POM121C: variants seen among roughly 807,000 people sequenced by gnomAD.
POM121C encodes POM121 transmembrane nucleoporin C.
In POM121C, 20 loss-of-function variants were observed where a neutral mutation model predicts 66.4. That is an observed-to-expected ratio of 0.30 (90% CI 0.21 to 0.44). The LOEUF is 0.44. POM121C is among the 20% of genes least tolerant of loss of function. POM121C has a pLI of 1.00. For missense variants in POM121C, 580 were observed against 1,225.7 expected (o/e 0.47, Z 7.87); for synonymous variants, 286 against 528.0 (o/e 0.54, Z 6.28).
chr7:75,450,613 CTCT>C (rs1484800031), intron 3 of POM121C, among the ~76,000 whole-genome samples: 4 of 152,242 alleles, frequency 2.6e-5, no homozygotes, highest in African/African-American at 9.6e-5. Context: ...TCAAGGAAAT[CTCT>C]TATCAAAATG....
In POM121C at chr7:75,441,601, G is replaced by A. The variant is rs1225460412; in HGVS notation, c.-105C>T. The stretch of plus-strand genomic sequence containing the variant: ...TACTGGGTCTGATGGATCGGATAGC[G>A]TCTTCGAGGTGTTATTACAAACCGA... On this transcript the variant is annotated 5_prime_UTR_variant, in exon 4 of 15. It adds an upstream start codon to the 5' untranslated region. Coordinates refer to ENST00000615331, the MANE Select transcript of POM121C (RefSeq NM_001099415.3). 12 of 1,587,650 alleles carry A rather than the reference G, an allele frequency of 7.6e-6. No individual in the cohort carries two copies. In the East Asian group the frequency reaches 1.8e-4, roughly 24 times the overall value.
At chr7:75,468,380 C>T (rs1262151093) in intron 3 of POM121C, among the ~76,000 whole-genome samples, 2 of 133,972 alleles carry the variant, frequency 1.5e-5, no homozygotes, top group Admixed American at 1.7e-4. Context: ...TGCAGTGGTG[C>T]AATCTCGGCT....
intron 3 of POM121C, among the ~76,000 whole-genome samples, chr7:75,466,619 A>T (rs1419798260): frequency 3.5e-5 from 5 of 141,878 alleles, no homozygotes; most frequent in East Asian, 2.0e-4. Flanking sequence ...AATAAAAATT[A>T]AAAAAAAAAA....
intron 1 of POM121C, among the ~76,000 whole-genome samples, chr7:75,484,716 C>T (rs1792449701): frequency 6.7e-6 from 1 of 149,688 alleles, no homozygotes; most frequent in African/African-American, 2.4e-5. Flanking sequence ...GCCTGTAACT[C>T]TAAGATAATC....
chr7:75,436,533 A>G (rs1166526602), intron 7 of POM121C, among the ~76,000 whole-genome samples: 1 of 152,228 alleles, frequency 6.6e-6, no homozygotes, highest in East Asian at 1.9e-4. Context: ...ATGTTCATTT[A>G]TATGACTCAG....
rs2116332017 is a variant in POM121C, at chr7:75,423,173, A to G, written c.1079T>C (p.Leu360Pro). Residue 360 changes from leucine to proline, a missense_variant, in exon 13 of 15, where the codon CTC (leucine) becomes CCC (proline). Coordinates refer to ENST00000615331, the MANE Select transcript of POM121C (RefSeq NM_001099415.3). ...GAGGCTGGGTGTCTTTGGAGGTGAG[A>G]GGGCCTCAGTGGTTGCTGCTCCAGC... is the stretch of plus-strand genomic sequence containing the variant. ...ESAGAATTEALSPPKTPSLLP... is the reference protein window; with the variant it reads ...ESAGAATTEAPSPPKTPSLLP... 6.6e-7 allele frequency: 1 copy of G among 1,504,618 alleles called. No individual in the cohort carries two copies. The highest frequency in any genetic ancestry group is 2.3e-5 in the East Asian group (1 of 43,764). 93.2% of individuals were successfully genotyped at this position (1,504,618 alleles called of 1,614,324 possible).
chr7:75,455,394 A>G (rs1263314472), intron 3 of POM121C, among the ~76,000 whole-genome samples: 1 of 151,718 alleles, frequency 6.6e-6, no homozygotes, highest in Non-Finnish European at 1.5e-5. Flanking sequence ...TCCCAGGTTC[A>G]AGCGATTCCC....
At chr7:75,436,013 T>G (rs1207734726) in intron 7 of POM121C, among the ~76,000 whole-genome samples, 2 of 150,340 alleles carry the variant, frequency 1.3e-5, no homozygotes, top group Non-Finnish European at 2.9e-5. Context: ...GTCGCACCAC[T>G]GCGCTCCAGC....
At chr7:75,423,648 T>C (rs1789814997) in intron 12 of POM121C, among the ~76,000 whole-genome samples, 1 of 151,996 alleles carries the variant, frequency 6.6e-6, no homozygotes, top group Admixed American at 6.6e-5. Context: ...CGTGAAGGCC[T>C]GGGCCGGGAA....
rs1160759539 is a variant in POM121C at position 75,421,135 on chromosome 7, G to A, written c.2743+374C>T. 63 of 349,092 alleles carry A rather than the reference G, an allele frequency of 1.8e-4. 2 individuals carry two copies. The highest frequency in any genetic ancestry group is 1.3e-3 in the African/African-American group (59 of 46,406). The allele number at this position is 349,092 out of a possible 1,614,324, so 21.6% of individuals were successfully genotyped here. A position where few individuals can be genotyped will look rare whatever the true frequency, so the allele number is the denominator to read the frequency against. On this transcript the variant is annotated intron_variant, in intron 13 of 14. Transcript: ENST00000615331. ...ATTACAGGTGGGTACCACCATGCCC[G>A]GCTAATTTTTTGGTATTTTTAGTAG...
chr7:75,458,877 A>G (rs78625170), intron 3 of POM121C, among the ~76,000 whole-genome samples: 1 of 152,174 alleles, frequency 6.6e-6, no homozygotes, highest in East Asian at 1.9e-4. Flanking sequence ...TGACAAAGAT[A>G]TTGGAATTAT....
rs782033622 is a variant in POM121C, at chr7:75,422,038, C to A, written c.2214G>T (p.Pro738=). 1 of 1,612,784 alleles carries A rather than the reference C, an allele frequency of 6.2e-7. No individual in the cohort carries two copies. ...SSFTFGNSAA[P]APATAPTPAP... ...CAGGTGTGGGTGCAGTAGCCGGGGC[C>A]GGGGCTGCAGAGTTTCCAAAAGTGA... is the stretch of plus-strand genomic sequence containing the variant. Residue 738 remains proline (P), a synonymous_variant, in exon 13 of 15, where the codon CCG becomes CCT. Transcript: ENST00000615331.
intron 3 of POM121C, among the ~76,000 whole-genome samples, chr7:75,473,203 C>T (rs1791939426): frequency 6.6e-6 from 1 of 152,052 alleles, no homozygotes; most frequent in South Asian, 2.1e-4. Context: ...GTAAAATATT[C>T]AACTAGGTTA....
intron 3 of POM121C, among the ~76,000 whole-genome samples, chr7:75,473,899 G>A (rs587707513): frequency 3.3e-5 from 5 of 151,804 alleles, no homozygotes; most frequent in South Asian, 2.1e-4. Context: ...CGTTTTAGCC[G>A]GGATGGTCTC....
intron 7 of POM121C, among the ~76,000 whole-genome samples, chr7:75,435,775 C>T (rs868912145): frequency 8.5e-5 from 13 of 152,340 alleles, no homozygotes; most frequent in East Asian, 1.9e-4. Context: ...CATGGCCAGG[C>T]ATGGTGGCTC....
chr7:75,435,956 C>G (rs1391034648), intron 7 of POM121C, among the ~76,000 whole-genome samples: 4 of 151,584 alleles, frequency 2.6e-5, no homozygotes, highest in African/African-American at 9.7e-5. Context: ...GAGGCTGAGG[C>G]AGGAGAATCG....
chr7:75,463,193 A>C (rs1227137465), intron 3 of POM121C, among the ~76,000 whole-genome samples: 2 of 152,056 alleles, frequency 1.3e-5, no homozygotes, highest in Non-Finnish European at 2.9e-5. Context: ...GTGTGGTGGA[A>C]AATTAGCCAG....
At chr7:75,428,561 A>C (rs1298988766) in intron 7 of POM121C, among the ~76,000 whole-genome samples, 3 of 152,212 alleles carry the variant, frequency 2.0e-5, no homozygotes, top group African/African-American at 7.2e-5. Context: ...CAGCCTGGGC[A>C]ACACAGAAAG....
At chr7:75,453,254 G>A (rs1355476622) in intron 3 of POM121C, among the ~76,000 whole-genome samples, 2 of 146,120 alleles carry the variant, frequency 1.4e-5, no homozygotes, top group East Asian at 4.0e-4. Context: ...AATACAGAGA[G>A]ACCCTATCTC....
Sources: allele counts gnomAD v4.1 joint callset (sites outside exome capture counted in the v4.1 genomes callset), GRCh38; gene constraint gnomAD v4.1.1; transcripts MANE v1.5; gene names NCBI Gene and HGNC (gene_info 2026-07-23, HGNC 2026-07-21).